Variants in SLC9A9 observed in about 807,000 individuals in gnomAD.
SLC9A9 encodes the protein sodium/hydrogen exchanger 9.
In SLC9A9, 62 loss-of-function variants were observed where a neutral mutation model predicts 77.8. The observed-to-expected ratio is 0.80, with a 90% CI of 0.65 to 0.98. SLC9A9 has a LOEUF of 0.98. Among genes scored for constraint, SLC9A9 ranks in the 50% least tolerant of loss-of-function variants. The pLI is 0.00. For synonymous variants in SLC9A9, 320 were observed against 283.5 expected (o/e 1.13, Z -1.29); for missense variants, 775 against 774.9 (o/e 1.00, Z 0.00).
chr3:143,786,566 T>C (rs2008064755), intron 4 of SLC9A9, among the ~76,000 whole-genome samples: 1 of 152,224 alleles, frequency 6.6e-6, no homozygotes, highest in African/African-American at 2.4e-5. Flanking sequence ...TTCTACCTTT[T>C]GTTTCTTTTT....
intron 5 of SLC9A9, among the ~76,000 whole-genome samples, chr3:143,662,276 C>A (rs1218649693): frequency 6.6e-6 from 1 of 152,128 alleles, no homozygotes; most frequent in Non-Finnish European, 1.5e-5. Flanking sequence ...AAATAATATA[C>A]GAATGAAGAA....
chr3:143,418,454 C>T (rs1357339393), intron 12 of SLC9A9, among the ~76,000 whole-genome samples: 12 of 151,996 alleles, frequency 7.9e-5, no homozygotes, highest in Admixed American at 7.2e-4. Context: ...GAGGTCTAAA[C>T]ATGAGCCTTT....
At chr3:143,387,635 AT>A (rs562238745) in intron 12 of SLC9A9, among the ~76,000 whole-genome samples, 141 of 152,226 alleles carry the variant, frequency 9.3e-4, no homozygotes, top group African/African-American at 3.1e-3. Flanking sequence ...CGGGTTCCTC[AT>A]TTACAATGAG....
chr3:143,291,541 G>C (rs1464129636), intron 14 of SLC9A9, among the ~76,000 whole-genome samples: 1 of 152,126 alleles, frequency 6.6e-6, no homozygotes, highest in East Asian at 1.9e-4. Context: ...GGACAGTCAG[G>C]GGGCCTCTCA....
In SLC9A9 at chr3:143,437,387, C is replaced by T. The variant is rs142429155; in HGVS notation, c.1469+29650G>A. Reference sequence around the variant, plus strand: ...CTGCCCTGGTCCTTGGCCAGACAGGCTCAGATCCCACAACGGTCGTCAGTG... The same window carrying T: ...CTGCCCTGGTCCTTGGCCAGACAGGTTCAGATCCCACAACGGTCGTCAGTG... On this transcript the variant is annotated intron_variant, in intron 12 of 15. Transcript: ENST00000316549. Among the ~76,000 whole-genome samples, 8 of 152,322 alleles carry T rather than the reference C, an allele frequency of 5.3e-5. No homozygotes were observed. In the East Asian group the frequency reaches 1.4e-3, roughly 26 times the overall value.
chr3:143,425,267 T>A (rs1268958694), intron 12 of SLC9A9, among the ~76,000 whole-genome samples: 1 of 33,068 alleles, frequency 3.0e-5, no homozygotes, highest in African/African-American at 7.2e-5. Context: ...GGCTTAGCTT[T>A]TTTTTTTTTT....
At chr3:143,770,080 GA>G (rs1200399528) in intron 4 of SLC9A9, among the ~76,000 whole-genome samples, 1 of 151,964 alleles carries the variant, frequency 6.6e-6, no homozygotes, top group Non-Finnish European at 1.5e-5. Context: ...TCTTGAATAG[GA>G]GGACTCAACC....
intron 6 of SLC9A9, among the ~76,000 whole-genome samples, chr3:143,641,077 T>C (rs2038613181): frequency 6.6e-6 from 1 of 151,644 alleles, no homozygotes. Context: ...AATCTGACAA[T>C]ATGAGAACAC....
At chr3:143,668,068 C>T (rs1464002752) in intron 5 of SLC9A9, among the ~76,000 whole-genome samples, 2 of 151,990 alleles carry the variant, frequency 1.3e-5, no homozygotes, top group Non-Finnish European at 2.9e-5. Context: ...CAATCGCAGA[C>T]TTGGAACCAA....
At chr3:143,724,124 T>C (rs551481807) in intron 4 of SLC9A9, among the ~76,000 whole-genome samples, 4 of 152,368 alleles carry the variant, frequency 2.6e-5, no homozygotes, top group African/African-American at 7.2e-5. Flanking sequence ...AAATCTCATG[T>C]TGAATTGTAA....
In SLC9A9 at chr3:143,483,289, G is replaced by T. The variant is rs140103993; in HGVS notation, c.1315+10364C>A. Among the ~76,000 whole-genome samples the T allele has an allele frequency of 4.6e-5, 7 of 152,294 alleles. No homozygotes were observed. The East Asian group carries it at 1.4e-3, about 29-fold the overall frequency. On this transcript the variant is annotated intron_variant, in intron 11 of 15. Coordinates refer to ENST00000316549, the MANE Select transcript of SLC9A9 (RefSeq NM_173653.4). Reference sequence around the variant, plus strand: ...ACTTCATTCAGTTTCATTGGCTTTAGAGGTAATGGGTGGAGGTGGGGGTGG... The same window carrying T: ...ACTTCATTCAGTTTCATTGGCTTTATAGGTAATGGGTGGAGGTGGGGGTGG...
At chr3:143,589,162 A>G (rs1473806328) in intron 6 of SLC9A9, among the ~76,000 whole-genome samples, 3 of 152,208 alleles carry the variant, frequency 2.0e-5, no homozygotes, top group Admixed American at 6.5e-5. Flanking sequence ...ATTCATTTCT[A>G]TGAAGCATTC....
intron 9 of SLC9A9, among the ~76,000 whole-genome samples, chr3:143,543,942 T>C (rs528653209): frequency 6.6e-6 from 1 of 152,358 alleles, no homozygotes; most frequent in Non-Finnish European, 1.5e-5. Flanking sequence ...TTTTAAGTTC[T>C]TTGAAAAATC....
rs369535499 is a variant in SLC9A9, at chr3:143,832,154, A to T, written c.243T>A (p.Tyr81Ter). The change falls in exon 2 of 16, where the codon TAT becomes TAA. Residue 81 changes from tyrosine (Y) to a stop codon, truncating the protein, a stop_gained. Transcript: ENST00000316549. LOFTEE classifies it high-confidence loss of function. Reference sequence around the variant, plus strand: ...GACTGAAAGTTAGTTTTACACAGTCATAGACAGTTCCACTTTCAATATCAG... The same window carrying T: ...GACTGAAAGTTAGTTTTACACAGTCTTAGACAGTTCCACTTTCAATATCAG... ...APTDIESGTV[Y>*]DCVKLTFSPS... The T allele has an allele frequency of 2.5e-6, 4 of 1,613,324 alleles. No homozygotes were observed. Among genetic ancestry groups the T allele is most frequent in the Middle Eastern group, 1.7e-4 (1 of 6,016 alleles).
chr3:143,578,740 G>C lies in SLC9A9; in HGVS notation c.756-17C>G. 1.2e-6 allele frequency: 2 copies of C among 1,613,856 alleles called. No individual in the cohort carries two copies. Among genetic ancestry groups the C allele is most frequent in the Non-Finnish European group, 1.7e-6 (2 of 1,179,812 alleles). On this transcript the variant is annotated splice_polypyrimidine_tract_variant and intron_variant, in intron 6 of 15. Coordinates refer to ENST00000316549, the MANE Select transcript of SLC9A9 (RefSeq NM_173653.4). ...GATATAGAACTGAAAAGAGAAGAGG[G>C]TGGAGGTTAGTTAGTGACTTTCATC...
chr3:143,691,492 A>G (rs1933465251), intron 5 of SLC9A9, among the ~76,000 whole-genome samples: 1 of 152,196 alleles, frequency 6.6e-6, no homozygotes, highest in Non-Finnish European at 1.5e-5. Context: ...ACAGAATGAC[A>G]TCAGGCAAGG....
intron 14 of SLC9A9, among the ~76,000 whole-genome samples, chr3:143,330,537 T>A (rs565011649): frequency 1.3e-5 from 2 of 152,236 alleles, no homozygotes; most frequent in African/African-American, 4.8e-5. Context: ...CAAAAATTTA[T>A]TATTAATGGC....
intron 4 of SLC9A9, among the ~76,000 whole-genome samples, chr3:143,740,877 A>ATG (rs1418649003): frequency 1.3e-5 from 2 of 152,184 alleles, no homozygotes; most frequent in African/African-American, 4.8e-5. Flanking sequence ...ACTACTATTC[A>ATG]TGTGTATTGG....
Position 143,790,288 on chromosome 3 carries a change from G to A in SLC9A9, c.533+4713C>T, listed in dbSNP as rs1042602060. On this transcript the variant is annotated intron_variant, in intron 4 of 15. Coordinates refer to ENST00000316549, the MANE Select transcript of SLC9A9 (RefSeq NM_173653.4). ...ACCCAGTCTCAGGTATTTCTTCACTGCAACATGAGAATGGACTAATACATT... is the reference window on the plus strand; with the variant it reads ...ACCCAGTCTCAGGTATTTCTTCACTACAACATGAGAATGGACTAATACATT... 7.2e-4 allele frequency among the ~76,000 whole-genome samples: 110 copies of A among 152,136 alleles called. 5 individuals are homozygous for A. Among genetic ancestry groups the A allele is most frequent in the Non-Finnish European group, 1.5e-5 (1 of 68,026 alleles).
Sources: gnomAD v4.1 joint callset for allele counts (sites outside exome capture counted in the v4.1 genomes callset) on GRCh38, gnomAD v4.1.1 for gene constraint, MANE v1.5 for transcripts, NCBI Gene and HGNC (gene_info 2026-07-23, HGNC 2026-07-21) for gene names.